The following PTPRR variants were observed in gnomAD, a reference collection of about 807,000 sequenced individuals.
PTPRR encodes receptor-type tyrosine-protein phosphatase R.
A neutral mutation model predicts 77.2 loss-of-function variants in PTPRR; 38 were observed. The observed-to-expected ratio is 0.49, with a 90% CI of 0.38 to 0.65. PTPRR has a LOEUF of 0.65. Ranked by LOEUF, PTPRR falls within the 30% of genes least tolerant of loss-of-function variation. The pLI is 0.00. For synonymous variants in PTPRR, 299 were observed against 283.1 expected (o/e 1.06, Z -0.57); for missense variants, 744 against 799.2 (o/e 0.93, Z 0.83).
At chr12:70,769,884 A>C (rs1890927076) in intron 2 of PTPRR, among the ~76,000 whole-genome samples, 1 of 152,156 alleles carries the variant, frequency 6.6e-6, no homozygotes, top group South Asian at 2.1e-4. Flanking sequence ...ATCTTTGACA[A>C]ACCTGACAAA....
At chr12:70,835,963 T>A (rs1169458510) in intron 2 of PTPRR, among the ~76,000 whole-genome samples, 2 of 152,098 alleles carry the variant, frequency 1.3e-5, no homozygotes, top group East Asian at 3.9e-4. Flanking sequence ...ATACTTCTGT[T>A]AACAAGCTCT....
chr12:70,639,359 G>T, intron 13 of PTPRR, 82 bp from the exon 14 acceptor site: 1 of 1,504,942 alleles, frequency 6.6e-7, no homozygotes. Context: ...TCCAAGCTAG[G>T]GTATTATGCC....
chr12:70,918,198 T>C lies in PTPRR; in HGVS notation c.58+2135A>G, dbSNP rs572372539. ...AATGTTATTAGATAACTGTGATAAA[T>C]TTTAATCTGATGACAGCTTGTGACC... On this transcript the variant is annotated intron_variant, in intron 1 of 13. Coordinates refer to ENST00000283228, the MANE Select transcript of PTPRR (RefSeq NM_002849.4). Among the ~76,000 whole-genome samples, 5 of 152,356 alleles carry C rather than the reference T, an allele frequency of 3.3e-5. No homozygotes were observed. In the East Asian group the frequency reaches 9.6e-4, roughly 29 times the overall value.
chr12:70,845,340 A>G (rs936656925), intron 2 of PTPRR, among the ~76,000 whole-genome samples: 1 of 152,180 alleles, frequency 6.6e-6, no homozygotes, highest in Non-Finnish European at 1.5e-5. Context: ...ACCCCCCAAA[A>G]AAAGGACAGA....
intron 1 of PTPRR, among the ~76,000 whole-genome samples, chr12:70,905,563 T>A (rs1430956266): frequency 1.3e-5 from 2 of 152,006 alleles, no homozygotes; most frequent in African/African-American, 2.4e-5. Flanking sequence ...ATTGCACAGT[T>A]GAAATTGAAA....
intron 2 of PTPRR, among the ~76,000 whole-genome samples, chr12:70,804,139 C>CTGTGTGTGTGTGTGTGTGTGTG (rs58442488): frequency 3.7e-4 from 51 of 137,334 alleles, no homozygotes; most frequent in Non-Finnish European, 5.2e-4. Context: ...GTTCCTGGCT[C>CTGTGTGTGTGTGTGTGTGTGTG]TGTGTGTGTG....
At chr12:70,655,621 AAGTG>A (rs1261735762) in intron 13 of PTPRR, among the ~76,000 whole-genome samples, 1 of 152,228 alleles carries the variant, frequency 6.6e-6, no homozygotes, top group Non-Finnish European at 1.5e-5. Context: ...ATATTATGCT[AAGTG>A]AAATAAGCCA....
At chr12:70,856,767 T>A (rs1348728434) in intron 2 of PTPRR, among the ~76,000 whole-genome samples, 1 of 150,658 alleles carries the variant, frequency 6.6e-6, no homozygotes, top group Non-Finnish European at 1.5e-5. Flanking sequence ...GGTGTTTGAT[T>A]TGACTTAGAA....
At chr12:70,681,130 G>C (rs73329571) in intron 10 of PTPRR, among the ~76,000 whole-genome samples, 2 of 152,170 alleles carry the variant, frequency 1.3e-5, no homozygotes, top group Non-Finnish European at 2.9e-5. Context: ...TTGTTCCCAG[G>C]GGGTAGGGAG....
Position 70,896,052 on chromosome 12 carries a change from TA to T in PTPRR, c.59-3076del, listed in dbSNP as rs554103793. 2.0e-3 allele frequency among the ~76,000 whole-genome samples: 306 copies of T among 151,712 alleles called. 1 individual carries two copies. Among genetic ancestry groups the T allele is most frequent in the African/African-American group, 6.4e-3 (267 of 41,472 alleles). On this transcript the variant is annotated intron_variant, in intron 1 of 13. Coordinates refer to ENST00000283228, the MANE Select transcript of PTPRR (RefSeq NM_002849.4). ...TAAAGTGAAAGAGTGAAAAGCAACA[TA>T]TCATGAAAACCTAATCAAAAGAAAC...
Position 70,642,550 on chromosome 12 carries a change from T to G in PTPRR, c.1881-3273A>C, listed in dbSNP as rs1886045177. ...TAAGTTGATATCATGATATATACTA[T>G]CTAATCCCATTCTATAATTATTTCC... On this transcript the variant is annotated intron_variant, in intron 13 of 13. Coordinates refer to ENST00000283228, the MANE Select transcript of PTPRR (RefSeq NM_002849.4). Among the ~76,000 whole-genome samples the G allele has an allele frequency of 1.3e-5, 2 of 152,180 alleles. 1 individual carries two copies. The highest frequency in any genetic ancestry group is 4.1e-4 in the South Asian group (2 of 4,828).
intron 2 of PTPRR, among the ~76,000 whole-genome samples, chr12:70,784,149 A>G (rs948241431): frequency 6.6e-6 from 1 of 152,086 alleles, no homozygotes; most frequent in Non-Finnish European, 1.5e-5. Context: ...CGCAGCCCTG[A>G]CTTGGGCAGC....
At chr12:70,782,390 G>A (rs1054865981) in intron 2 of PTPRR, among the ~76,000 whole-genome samples, 3 of 152,016 alleles carry the variant, frequency 2.0e-5, no homozygotes, top group East Asian at 1.9e-4. Flanking sequence ...ACATGCACAC[G>A]TATGTTTATT....
At chr12:70,847,094 A>G (rs1027836390) in intron 2 of PTPRR, among the ~76,000 whole-genome samples, 5 of 152,184 alleles carry the variant, frequency 3.3e-5, no homozygotes, top group Non-Finnish European at 7.3e-5. Context: ...AAGGATGTGA[A>G]AAACAAACGC....
At chr12:70,794,015 A>G (rs1411970172) in intron 2 of PTPRR, among the ~76,000 whole-genome samples, 1 of 152,124 alleles carries the variant, frequency 6.6e-6, no homozygotes, top group African/African-American at 2.4e-5. Flanking sequence ...GTTCCCTCAT[A>G]TACCACAAGC....
At chr12:70,643,208 A>T (rs1274868971) in intron 13 of PTPRR, among the ~76,000 whole-genome samples, 1 of 152,164 alleles carries the variant, frequency 6.6e-6, no homozygotes, top group African/African-American at 2.4e-5. Flanking sequence ...ATCACAGCTC[A>T]CTGCAGCCTT....
chr12:70,764,059 T>C (rs1446271398), intron 3 of PTPRR, among the ~76,000 whole-genome samples: 1 of 151,810 alleles, frequency 6.6e-6, no homozygotes, highest in Non-Finnish European at 1.5e-5. Context: ...ATTCAAGTTT[T>C]CTCTTGGTTT....
At chr12:70,640,906 TCA>T (rs1885973867) in intron 13 of PTPRR, among the ~76,000 whole-genome samples, 1 of 152,186 alleles carries the variant, frequency 6.6e-6, no homozygotes, top group African/African-American at 2.4e-5. Context: ...AGAGGTAAAT[TCA>T]CAGTTTTTGG....
chr12:70,660,125 C>T (rs566561587), intron 12 of PTPRR, among the ~76,000 whole-genome samples: 24 of 150,990 alleles, frequency 1.6e-4, no homozygotes, highest in Middle Eastern at 6.8e-3. Flanking sequence ...TGCAGTGAGC[C>T]GAGATAGCGC....
Sources: gnomAD v4.1 joint callset for allele counts (sites outside exome capture counted in the v4.1 genomes callset) on GRCh38, gnomAD v4.1.1 for gene constraint, MANE v1.5 for transcripts, NCBI Gene and HGNC (gene_info 2026-07-23, HGNC 2026-07-21) for gene names.